Variants in SEZ6L observed in about 807,000 individuals in gnomAD.
SEZ6L encodes seizure 6-like protein.
SEZ6L carries 37 observed loss-of-function variants against 106.2 expected under a neutral mutation model. The ratio of observed to expected loss-of-function variants is 0.35; its 90% CI spans 0.27 to 0.46. SEZ6L has a LOEUF of 0.46. SEZ6L is among the 20% of genes least tolerant of loss of function. SEZ6L has a pLI of 1.00. For synonymous variants in SEZ6L, 541 were observed against 570.4 expected, an observed-to-expected ratio of 0.95 and a Z score of 0.73; for missense variants, 1,172 against 1,332.8, an observed-to-expected ratio of 0.88 and a Z score of 1.88.
intron 1 of SEZ6L, among the ~76,000 whole-genome samples, chr22:26,241,836 G>A (rs537540658): frequency 6.6e-6 from 1 of 152,286 alleles, no homozygotes; most frequent in East Asian, 1.9e-4. Flanking sequence ...TAATGTCACA[G>A]GCTTAATGGC....
chr22:26,228,772 A>G (rs1177067568), intron 1 of SEZ6L, among the ~76,000 whole-genome samples: 1 of 152,182 alleles, frequency 6.6e-6, no homozygotes, highest in Non-Finnish European at 1.5e-5. Context: ...AGGCTCAGAG[A>G]GGAAAAGAAA....
intron 1 of SEZ6L, among the ~76,000 whole-genome samples, chr22:26,227,788 T>A (rs1267599995): frequency 6.6e-6 from 1 of 152,150 alleles, no homozygotes; most frequent in Non-Finnish European, 1.5e-5. Flanking sequence ...GCTGACTGTG[T>A]ACAAGGCACT....
chr22:26,277,542 G>A (rs1184547779), intron 1 of SEZ6L, among the ~76,000 whole-genome samples: 1 of 152,222 alleles, frequency 6.6e-6, no homozygotes, highest in Non-Finnish European at 1.5e-5. Context: ...TGGATGAGTT[G>A]CCTTCATGTT....
intron 1 of SEZ6L, among the ~76,000 whole-genome samples, chr22:26,195,225 T>C (rs1940499615): frequency 6.6e-6 from 1 of 152,104 alleles, no homozygotes; most frequent in South Asian, 2.1e-4. Context: ...TGCCAATGAG[T>C]TAAATATTCC....
intron 1 of SEZ6L, among the ~76,000 whole-genome samples, chr22:26,190,167 T>A (rs1940097757): frequency 6.6e-6 from 1 of 151,970 alleles, no homozygotes; most frequent in Non-Finnish European, 1.5e-5. Flanking sequence ...AAAGCCCGCT[T>A]TGACCATTTG....
chr22:26,280,238 G>A (rs893371316), intron 1 of SEZ6L, among the ~76,000 whole-genome samples: 1 of 150,380 alleles, frequency 6.6e-6, no homozygotes, highest in African/African-American at 2.5e-5. Context: ...GAATAAGTAA[G>A]TCTCCCTATA....
At position 26,272,455 on chromosome 22, in the gene SEZ6L, G is replaced by A. The variant is rs1209144949; in HGVS notation, c.95-19951G>A. 5.3e-5 allele frequency among the ~76,000 whole-genome samples: 8 copies of A among 152,228 alleles called. No homozygotes were observed. The East Asian group carries it at 1.2e-3, about 22-fold the overall frequency. On this transcript the variant is annotated intron_variant, in intron 1 of 16. Transcript: ENST00000248933. ...ACAAAAAAACCGAATTTTTACCCAC[G>A]GTTATCACCACTGGGCCAGGCTGCA...
intron 9 of SEZ6L, among the ~76,000 whole-genome samples, chr22:26,321,821 G>A (rs550390996): frequency 2.6e-5 from 4 of 152,256 alleles, no homozygotes; most frequent in African/African-American, 9.6e-5. Flanking sequence ...GTGGCCCATA[G>A]TAGGCGCATG....
At chr22:26,195,908 C>T (rs568080520) in intron 1 of SEZ6L, among the ~76,000 whole-genome samples, 1 of 152,008 alleles carries the variant, frequency 6.6e-6, no homozygotes, top group South Asian at 2.1e-4. Flanking sequence ...AGGCATTGAC[C>T]TTTAAACTAA....
chr22:26,323,100 G>C (rs1012474602), intron 9 of SEZ6L, among the ~76,000 whole-genome samples: 1 of 152,224 alleles, frequency 6.6e-6, no homozygotes, highest in African/African-American at 2.4e-5. Flanking sequence ...CAACTTGCTT[G>C]TGGCCACAAG....
chr22:26,243,032 C>G (rs5761437), intron 1 of SEZ6L, among the ~76,000 whole-genome samples: 25,146 of 152,124 alleles, frequency 0.17, 2,518 homozygotes, highest in East Asian at 0.34. Flanking sequence ...TGCCTTGCAA[C>G]CCTTGGTAGT....
intron 13 of SEZ6L, among the ~76,000 whole-genome samples, chr22:26,372,057 T>A (rs929352627): frequency 1.3e-5 from 2 of 152,188 alleles, no homozygotes; most frequent in Non-Finnish European, 2.9e-5. Context: ...CTGTGTGACC[T>A]TGAGTGAGCC....
At chr22:26,200,246 G>A (rs1214684856) in intron 1 of SEZ6L, among the ~76,000 whole-genome samples, 1 of 152,154 alleles carries the variant, frequency 6.6e-6, no homozygotes, top group East Asian at 1.9e-4. Flanking sequence ...ATATGTTTGT[G>A]TGCGTGTATG....
intron 10 of SEZ6L, among the ~76,000 whole-genome samples, chr22:26,343,025 C>A (rs888773876): frequency 5.3e-5 from 8 of 152,268 alleles, no homozygotes; most frequent in South Asian, 4.1e-4. Context: ...TTCCCAGGGG[C>A]CTTTTACCTT....
intron 1 of SEZ6L, among the ~76,000 whole-genome samples, chr22:26,245,084 A>G (rs1017563002): frequency 6.6e-6 from 1 of 152,148 alleles, no homozygotes; most frequent in East Asian, 1.9e-4. Flanking sequence ...CCTTAAGTAC[A>G]TCTGCCTTTG....
intron 1 of SEZ6L, among the ~76,000 whole-genome samples, chr22:26,221,117 C>A (rs565935290): frequency 6.6e-6 from 1 of 152,048 alleles, no homozygotes; most frequent in South Asian, 2.1e-4. Flanking sequence ...CAGTGAATGT[C>A]GAACAAATAA....
chr22:26,378,611 A>G (rs753986864), intron 16 of SEZ6L, among the ~76,000 whole-genome samples: 3 of 152,230 alleles, frequency 2.0e-5, no homozygotes, highest in Non-Finnish European at 4.4e-5. Context: ...TGGGGAAGGC[A>G]TCATTGAGAA....
intron 1 of SEZ6L, among the ~76,000 whole-genome samples, chr22:26,210,804 GAAATATTTTGT>G (rs368546323): frequency 6.0e-4 from 91 of 152,330 alleles, no homozygotes; most frequent in Non-Finnish European, 1.1e-3. Flanking sequence ...GTTTGGCCTG[GAAATATTTTGT>G]AACACTTTAA....
At chr22:26,193,094 CA>C (rs896479013) in intron 1 of SEZ6L, among the ~76,000 whole-genome samples, 3 of 152,140 alleles carry the variant, frequency 2.0e-5, no homozygotes, top group African/African-American at 7.2e-5. Context: ...ACATTGGGAA[CA>C]TTTTTTTTCC....
Sources: gnomAD v4.1 joint callset for allele counts (sites outside exome capture counted in the v4.1 genomes callset) on GRCh38, gnomAD v4.1.1 for gene constraint, MANE v1.5 for transcripts, NCBI Gene and HGNC (gene_info 2026-07-23, HGNC 2026-07-21) for gene names.